The following ZHX3 variants were observed in gnomAD, a reference collection of about 807,000 sequenced individuals.
ZHX3 encodes the protein zinc fingers and homeoboxes 3.
ZHX3 carries 20 observed loss-of-function variants against 64.5 expected under a neutral mutation model. The observed-to-expected ratio is 0.31, with a 90% CI of 0.22 to 0.45. ZHX3 has a LOEUF of 0.45. Ranked by LOEUF, ZHX3 falls within the 20% of genes least tolerant of loss-of-function variation. The probability of loss-of-function intolerance (pLI) is 1.00; values close to 1 mark genes in which losing one functional copy is unlikely to be tolerated. For missense variants in ZHX3, 1,041 were observed against 1,195.8 expected (o/e 0.87, Z 1.91); for synonymous variants, 423 against 461.6 (o/e 0.92, Z 1.07).
chr20:41,209,046 AACAG>A (rs2038951571), intron 2 of ZHX3, among the ~76,000 whole-genome samples: 2 of 152,318 alleles, frequency 1.3e-5, no homozygotes, highest in South Asian at 4.1e-4. Context: ...ATACACCAAT[AACAG>A]ACAAACAGAG....
intron 1 of ZHX3, among the ~76,000 whole-genome samples, chr20:41,306,734 A>C (rs1190804206): frequency 6.6e-6 from 1 of 152,270 alleles, no homozygotes; most frequent in Non-Finnish European, 1.5e-5. Context: ...TCAGGAATAA[A>C]CAAAAAGGAA....
Position 41,251,728 on chromosome 20 carries a change from A to G in ZHX3, c.-151+17262T>C, listed in dbSNP as rs375316679. Among the ~76,000 whole-genome samples the G allele has an allele frequency of 5.1e-4, 77 of 152,330 alleles. 1 individual carries two copies. Among genetic ancestry groups the G allele is most frequent in the East Asian group, 4.8e-3 (25 of 5,194 alleles). On this transcript the variant is annotated intron_variant, in intron 2 of 3. Transcript: ENST00000683867. ...GTAGAGTACTGTCTATAGAATAGAT[A>G]GAATAGCAATGCTTATTTTACATTA...
rs1379276157 is a variant in ZHX3 at position 41,265,151 on chromosome 20, C to T, written c.-151+3839G>A. On this transcript the variant is annotated intron_variant, in intron 2 of 3. Coordinates refer to ENST00000683867, the MANE Select transcript of ZHX3 (RefSeq NM_001384317.1). Reference sequence around the variant, plus strand: ...TATATACTTTTTAAAAAATATAACACCATTGTAAACTTATAAAACCCAAAG... The same window carrying T: ...TATATACTTTTTAAAAAATATAACATCATTGTAAACTTATAAAACCCAAAG... Among the ~76,000 whole-genome samples the T allele has an allele frequency of 4.6e-5, 7 of 151,498 alleles. No individual in the cohort carries two copies. In the East Asian group the frequency reaches 9.6e-4, roughly 21 times the overall value.
intron 2 of ZHX3, among the ~76,000 whole-genome samples, chr20:41,255,045 T>C (rs1019470231): frequency 2.6e-5 from 4 of 151,948 alleles, no homozygotes; most frequent in Admixed American, 6.6e-5. Context: ...AGAAAAAGCG[T>C]GTTAAAGGAC....
chr20:41,184,723 A>C lies in ZHX3; in HGVS notation c.*468T>G. On this transcript the variant is annotated 3_prime_UTR_variant, in exon 4 of 4. Transcript: ENST00000683867. The stretch of plus-strand genomic sequence containing the variant: ...TGCCTGACTGTGGAAGGTGAGGGGC[A>C]CCTGTGACCCAGCAATCCCCAGAGA... 1.5e-6 allele frequency: 1 copy of C among 684,428 alleles called. No individual in the cohort carries two copies. Among genetic ancestry groups the C allele is most frequent in the Non-Finnish European group, 2.4e-6 (1 of 420,672 alleles). The allele number at this position is 684,428 out of a possible 1,614,324, so 42.4% of individuals were successfully genotyped here.
At chr20:41,190,812 T>C (rs1237167392) in intron 3 of ZHX3, among the ~76,000 whole-genome samples, 1 of 152,216 alleles carries the variant, frequency 6.6e-6, no homozygotes, top group Non-Finnish European at 1.5e-5. Flanking sequence ...TTGCTAGACA[T>C]AGTATCCTTG....
chr20:41,267,221 T>C (rs1277649683), intron 2 of ZHX3, among the ~76,000 whole-genome samples: 2 of 152,216 alleles, frequency 1.3e-5, no homozygotes, highest in East Asian at 3.8e-4. Flanking sequence ...TTTTTTAGTG[T>C]AAATATCTAA....
At chr20:41,249,142 C>T (rs1392695965) in intron 2 of ZHX3, among the ~76,000 whole-genome samples, 1 of 152,048 alleles carries the variant, frequency 6.6e-6, no homozygotes, top group Non-Finnish European at 1.5e-5. Context: ...ACCTCAAATT[C>T]CTCATTCACA....
At chr20:41,227,146 C>G (rs1160827017) in intron 2 of ZHX3, among the ~76,000 whole-genome samples, 1 of 152,280 alleles carries the variant, frequency 6.6e-6, no homozygotes, top group East Asian at 1.9e-4. Flanking sequence ...CAATAAAGTT[C>G]TGTATTTTCC....
rs549841948 is a variant in ZHX3 at position 41,221,576 on chromosome 20, T to G, written c.-150-16510A>C. ...TACATTCTAGTTTGGGGGAGAGAGA[T>G]AATAAATAAAATAAGAAAATGAAAT... On this transcript the variant is annotated intron_variant, in intron 2 of 3. Coordinates refer to ENST00000683867, the MANE Select transcript of ZHX3 (RefSeq NM_001384317.1). Among the ~76,000 whole-genome samples the G allele has an allele frequency of 9.9e-5, 15 of 152,106 alleles. No individual in the cohort carries two copies. In the South Asian group the frequency reaches 3.1e-3, roughly 32 times the overall value.
chr20:41,196,665 C>CT (rs1201437170), intron 3 of ZHX3: 1 of 148,874 alleles, frequency 6.7e-6, no homozygotes, highest in Non-Finnish European at 1.4e-5. Context: ...TTTTGTGTGC[C>CT]TTTTTCAAAA....
intron 1 of ZHX3, among the ~76,000 whole-genome samples, chr20:41,296,093 G>T (rs567855087): frequency 6.6e-6 from 1 of 152,074 alleles, no homozygotes; most frequent in South Asian, 2.1e-4. Context: ...TTCAGCAACT[G>T]CCCATGAACT....
intron 2 of ZHX3, among the ~76,000 whole-genome samples, chr20:41,218,290 A>T (rs1326661940): frequency 1.3e-5 from 2 of 152,094 alleles, no homozygotes; most frequent in African/African-American, 4.8e-5. Context: ...CAAAAAATTT[A>T]AAAAATAGCT....
intron 2 of ZHX3, among the ~76,000 whole-genome samples, chr20:41,207,134 A>T (rs141462830): frequency 0.073 from 11,191 of 152,298 alleles, 452 homozygotes; most frequent in Middle Eastern, 0.17. Flanking sequence ...CTGCCTTACA[A>T]GAGCTCCTGA....
intron 1 of ZHX3, among the ~76,000 whole-genome samples, chr20:41,288,207 A>G (rs2044035385): frequency 6.6e-6 from 1 of 152,138 alleles, no homozygotes; most frequent in South Asian, 2.1e-4. Context: ...TTTTGCACAG[A>G]TAGGGTTTTG....
At chr20:41,218,137 C>A (rs1478065674) in intron 2 of ZHX3, among the ~76,000 whole-genome samples, 2 of 151,972 alleles carry the variant, frequency 1.3e-5, no homozygotes, top group Non-Finnish European at 2.9e-5. Flanking sequence ...CAGAGCAAGA[C>A]CCTGTCTCCT....
rs1405859875 is a variant in ZHX3 at position 41,182,052 on chromosome 20, T to TA, written c.*3138dup. On this transcript the variant is annotated 3_prime_UTR_variant, in exon 4 of 4. Coordinates refer to ENST00000683867, the MANE Select transcript of ZHX3 (RefSeq NM_001384317.1). This position sits in a 1 kb window ranked among gnomAD's most constrained non-coding sequence, Gnocchi z 6.1. The stretch of plus-strand genomic sequence containing the variant: ...AAATGACACTCCTCCCCTCCCAAAA[T>TA]AAAAAAGCTCCTTTATAGTCAAAAA... The TA allele has an allele frequency of 2.6e-5, 4 of 152,000 alleles. No homozygotes were observed. The East Asian group carries it at 7.7e-4, about 29-fold the overall frequency. 9.4% of individuals were successfully genotyped at this position (152,000 alleles called of 1,614,324 possible).
chr20:41,254,537 G>T (rs918941208), intron 2 of ZHX3: 1 of 152,176 alleles, frequency 6.6e-6, no homozygotes, highest in African/African-American at 2.4e-5. Context: ...ATGACTAGAA[G>T]CCCTGACTCC....
Position 41,185,432 on chromosome 20 carries a change from C to A in ZHX3, c.2861-231G>T. 2 of 600,496 alleles carry A rather than the reference C, an allele frequency of 3.3e-6. No individual in the cohort carries two copies. The highest frequency in any genetic ancestry group is 5.9e-6 in the Non-Finnish European group (2 of 341,266). 37.2% of individuals were successfully genotyped at this position (600,496 alleles called of 1,614,324 possible). ...TAAGGCCATCAGACTCTCTGAGAGA[C>A]CCTGCTAAACCCTAGGCCTAGCAGC... is the stretch of plus-strand genomic sequence containing the variant. On this transcript the variant is annotated intron_variant, in intron 3 of 3. Transcript: ENST00000683867. This position sits in a 1 kb window ranked among gnomAD's most constrained non-coding sequence, Gnocchi z 5.0.
Sources: allele counts gnomAD v4.1 joint callset (sites outside exome capture counted in the v4.1 genomes callset), GRCh38; gene constraint gnomAD v4.1.1; non-coding constraint Gnocchi (gnomAD v3.1); transcripts MANE v1.5; gene names NCBI Gene and HGNC (gene_info 2026-07-23, HGNC 2026-07-21).